The following KIAA1958 variants were observed in gnomAD, a reference collection of about 807,000 sequenced individuals.
KIAA1958 encodes KIAA1958.
A neutral mutation model predicts 47.2 loss-of-function variants in KIAA1958; 14 were observed. The ratio of observed to expected loss-of-function variants is 0.30; its 90% CI spans 0.20 to 0.46. The LOEUF (loss-of-function observed/expected upper bound fraction) is 0.46. Among genes scored for constraint, KIAA1958 ranks in the 20% least tolerant of loss-of-function variants. The pLI, the probability that KIAA1958 is intolerant of heterozygous loss-of-function variation, is 1.00. For missense variants in KIAA1958, 803 were observed against 909.2 expected, an observed-to-expected ratio of 0.88 and a Z score of 1.50; for synonymous variants, 354 against 353.3, an observed-to-expected ratio of 1.00 and a Z score of -0.02.
chr9:112,585,330 G>A (rs1235966768), intron 2 of KIAA1958, among the ~76,000 whole-genome samples: 1 of 152,226 alleles, frequency 6.6e-6, no homozygotes, highest in African/African-American at 2.4e-5. Flanking sequence ...ATGAAGAGTG[G>A]TTGACTCAGC....
At chr9:112,614,020 C>T (rs1836370573) in intron 2 of KIAA1958, among the ~76,000 whole-genome samples, 1 of 152,026 alleles carries the variant, frequency 6.6e-6, no homozygotes, top group South Asian at 2.1e-4. Context: ...AATGCAATGT[C>T]CAGTAGAATG....
chr9:112,580,226 C>G (rs1053049118), intron 2 of KIAA1958, among the ~76,000 whole-genome samples: 3 of 152,164 alleles, frequency 2.0e-5, no homozygotes, highest in African/African-American at 7.2e-5. Flanking sequence ...TTGAGAGGGG[C>G]AGTAAACCAG....
intron 1 of KIAA1958, among the ~76,000 whole-genome samples, chr9:112,546,837 A>G (rs1233103277): frequency 6.6e-6 from 1 of 152,054 alleles, no homozygotes; most frequent in Non-Finnish European, 1.5e-5. Flanking sequence ...TCTTTTCTCT[A>G]GGAAGCACTC....
chr9:112,667,682 G>A lies in KIAA1958; in HGVS notation c.*7613G>A, dbSNP rs539612313. 6.6e-6 allele frequency: 1 copy of A among 152,314 alleles called. No individual in the cohort carries two copies. Among genetic ancestry groups the A allele is most frequent in the South Asian group, 2.1e-4 (1 of 4,830 alleles). 9.4% of individuals were successfully genotyped at this position (152,314 alleles called of 1,614,324 possible). ...AAATGCCAGGAAACAATAGAGAATT[G>A]TGAGGGGGAAAAGTTGTGACTTTGG... On this transcript the variant is annotated 3_prime_UTR_variant, in exon 4 of 4. Coordinates refer to ENST00000337530, the MANE Select transcript of KIAA1958 (RefSeq NM_133465.4).
At position 112,664,844 on chromosome 9, in the gene KIAA1958, G is replaced by C. The variant is rs1837331263; in HGVS notation, c.*4775G>C. 1 of 152,206 alleles carries C rather than the reference G, an allele frequency of 6.6e-6. No individual in the cohort carries two copies. Among genetic ancestry groups the C allele is most frequent in the South Asian group, 2.1e-4 (1 of 4,822 alleles). 9.4% of individuals were successfully genotyped at this position (152,206 alleles called of 1,614,324 possible). A position where few individuals can be genotyped will look rare whatever the true frequency, so the allele number is the denominator to read the frequency against. On this transcript the variant is annotated 3_prime_UTR_variant, in exon 4 of 4. Coordinates refer to ENST00000337530, the MANE Select transcript of KIAA1958 (RefSeq NM_133465.4). The stretch of plus-strand genomic sequence containing the variant: ...AACATCTCTGGAAGTTCCTCCGTCT[G>C]ATATGTGTATTCTGACATAACAGAA...
chr9:112,646,810 G>A (rs1164954239), intron 3 of KIAA1958, among the ~76,000 whole-genome samples: 1 of 152,116 alleles, frequency 6.6e-6, no homozygotes, highest in Non-Finnish European at 1.5e-5. Flanking sequence ...TTTGTAAATC[G>A]AAGGAAAAAA....
intron 1 of KIAA1958, among the ~76,000 whole-genome samples, chr9:112,555,596 A>G (rs913207235): frequency 2.0e-5 from 3 of 152,188 alleles, no homozygotes; most frequent in Admixed American, 6.5e-5. Flanking sequence ...TGCTCCATGG[A>G]TGGCATCTTC....
At chr9:112,599,697 A>G (rs1424721225) in intron 2 of KIAA1958, among the ~76,000 whole-genome samples, 1 of 152,240 alleles carries the variant, frequency 6.6e-6, no homozygotes, top group African/African-American at 2.4e-5. Context: ...TGTGTCTTCT[A>G]CAACTGCCTT....
chr9:112,519,024 G>A (rs903194898), intron 1 of KIAA1958, among the ~76,000 whole-genome samples: 2 of 152,018 alleles, frequency 1.3e-5, no homozygotes, highest in Non-Finnish European at 2.9e-5. Flanking sequence ...TGAACTCCTG[G>A]GCTCAAGCAA....
chr9:112,551,036 GT>G (rs201387967), intron 1 of KIAA1958, among the ~76,000 whole-genome samples: 2,899 of 122,550 alleles, frequency 0.024, 33 homozygotes, highest in African/African-American at 0.035. Flanking sequence ...CTGCATAGTT[GT>G]TTTTTTTTTT....
intron 2 of KIAA1958, among the ~76,000 whole-genome samples, chr9:112,589,003 C>A (rs1835874911): frequency 6.6e-6 from 1 of 151,664 alleles, no homozygotes; most frequent in Middle Eastern, 3.4e-3. Flanking sequence ...TGGTTTTAAA[C>A]TCTTAGGTTC....
At chr9:112,596,745 T>C (rs1490104417) in intron 2 of KIAA1958, among the ~76,000 whole-genome samples, 1 of 152,206 alleles carries the variant, frequency 6.6e-6, no homozygotes, top group Non-Finnish European at 1.5e-5. Flanking sequence ...TAATTTATTA[T>C]AGCTTTGTGC....
chr9:112,615,274 G>A (rs1283112709), intron 2 of KIAA1958, among the ~76,000 whole-genome samples: 2 of 151,994 alleles, frequency 1.3e-5, no homozygotes, highest in African/African-American at 4.8e-5. Flanking sequence ...ACAAAAATTA[G>A]CCAGGCATGA....
chr9:112,590,387 T>C (rs1378916376), intron 2 of KIAA1958, among the ~76,000 whole-genome samples: 1 of 151,132 alleles, frequency 6.6e-6, no homozygotes, highest in Admixed American at 6.6e-5. Flanking sequence ...ATGTCACTCT[T>C]GTCGCCCAGT....
intron 1 of KIAA1958, among the ~76,000 whole-genome samples, chr9:112,537,367 C>T (rs1834873449): frequency 6.6e-6 from 1 of 152,124 alleles, no homozygotes; most frequent in Non-Finnish European, 1.5e-5. Flanking sequence ...TCCCAAAGTG[C>T]TGGGATTACA....
At chr9:112,500,111 A>G (rs779116927) in intron 1 of KIAA1958, among the ~76,000 whole-genome samples, 4 of 151,274 alleles carry the variant, frequency 2.6e-5, no homozygotes, top group Non-Finnish European at 5.9e-5. Context: ...TATTATTATT[A>G]TTATTTTTGA....
chr9:112,620,934 A>T (rs1050787375), intron 2 of KIAA1958, among the ~76,000 whole-genome samples: 1 of 152,180 alleles, frequency 6.6e-6, no homozygotes, highest in Non-Finnish European at 1.5e-5. Context: ...TTACATATTT[A>T]TTTCTATATA....
chr9:112,649,671 C>T (rs1201928174), intron 3 of KIAA1958, among the ~76,000 whole-genome samples: 1 of 152,068 alleles, frequency 6.6e-6, no homozygotes, highest in Non-Finnish European at 1.5e-5. Flanking sequence ...ACAGATTTCT[C>T]ATTAGAAACA....
chr9:112,640,445 T>C (rs1405858669), intron 2 of KIAA1958, among the ~76,000 whole-genome samples: 2 of 152,168 alleles, frequency 1.3e-5, no homozygotes, highest in Admixed American at 1.3e-4. Flanking sequence ...CAGCAATTTC[T>C]GGAAGGAAAA....
Sources: allele counts gnomAD v4.1 joint callset (sites outside exome capture counted in the v4.1 genomes callset), GRCh38; gene constraint gnomAD v4.1.1; transcripts MANE v1.5; gene names NCBI Gene and HGNC (gene_info 2026-07-23, HGNC 2026-07-21).